Variants in UST observed in about 807,000 individuals in gnomAD.
The protein encoded by UST is chondroitin sulfate 2-O-sulfotransferase.
In UST, 21 loss-of-function variants were observed where a neutral mutation model predicts 45.6. The ratio of observed to expected loss-of-function variants is 0.46; its 90% CI spans 0.33 to 0.66. The LOEUF is 0.66. Among genes scored for constraint, UST ranks in the 30% least tolerant of loss-of-function variants. The pLI is 0.02. For synonymous variants in UST, 215 were observed against 200.6 expected (o/e 1.07, Z -0.61); for missense variants, 463 against 512.4 (o/e 0.90, Z 0.93).
intron 5 of UST, among the ~76,000 whole-genome samples, chr6:149,004,756 C>T (rs118168775): frequency 4.4e-3 from 665 of 150,654 alleles, no homozygotes; most frequent in Non-Finnish European, 6.7e-3. Context: ...CCAGGTGGGC[C>T]CGAATCTCAG....
At chr6:148,814,433 T>C (rs1378102139) in intron 1 of UST, among the ~76,000 whole-genome samples, 4 of 152,106 alleles carry the variant, frequency 2.6e-5, no homozygotes, top group African/African-American at 9.7e-5. Context: ...CAGTAGAGTT[T>C]GCAGCTGCAT....
intron 7 of UST, among the ~76,000 whole-genome samples, chr6:149,049,387 G>C (rs1296735015): frequency 6.6e-6 from 1 of 152,190 alleles, no homozygotes; most frequent in Non-Finnish European, 1.5e-5. Flanking sequence ...TTTACAATAT[G>C]ATACCAGTTT....
intron 1 of UST, among the ~76,000 whole-genome samples, chr6:148,846,537 T>C (rs981784293): frequency 1.3e-4 from 20 of 151,968 alleles, no homozygotes; most frequent in Admixed American, 4.6e-4. Flanking sequence ...GCATGGCACA[T>C]GTATACATAT....
intron 1 of UST, among the ~76,000 whole-genome samples, chr6:148,794,794 T>A (rs1270712073): frequency 1.3e-5 from 2 of 152,224 alleles, no homozygotes; most frequent in Non-Finnish European, 2.9e-5. Context: ...GGCCCTTAAA[T>A]ACATGGAATA....
At chr6:148,949,579 C>A (rs1282426789) in intron 3 of UST, among the ~76,000 whole-genome samples, 2 of 151,928 alleles carry the variant, frequency 1.3e-5, no homozygotes, top group African/African-American at 4.8e-5. Flanking sequence ...CATGTGACAC[C>A]AGGATAATGA....
intron 7 of UST, among the ~76,000 whole-genome samples, chr6:149,069,316 A>G (rs1056040149): frequency 2.6e-5 from 4 of 152,194 alleles, no homozygotes; most frequent in African/African-American, 9.6e-5. Context: ...AGAACTCTCC[A>G]TACTGTTTAC....
rs150628617 is a variant in UST, at chr6:149,018,878, G to A, written c.682-261G>A. Among the ~76,000 whole-genome samples, 17 of 152,194 alleles carry A rather than the reference G, an allele frequency of 1.1e-4. No homozygotes were observed. In the East Asian group the frequency reaches 1.5e-3, roughly 14 times the overall value. ...AGGCCTGTGACCAAACTTAAGACTC[G>A]GAGCCACCAGGAAGTGCAGAGATGC... is the stretch of plus-strand genomic sequence containing the variant. On this transcript the variant is annotated intron_variant, in intron 5 of 7. Transcript: ENST00000367463.
chr6:149,048,991 A>G (rs1424756818), intron 7 of UST, among the ~76,000 whole-genome samples: 4 of 152,218 alleles, frequency 2.6e-5, no homozygotes, highest in Non-Finnish European at 5.9e-5. Flanking sequence ...CAAAATGCCC[A>G]TAGCTGCAGA....
intron 1 of UST, among the ~76,000 whole-genome samples, chr6:148,843,411 G>C (rs1180110270): frequency 6.6e-6 from 1 of 152,222 alleles, no homozygotes; most frequent in Non-Finnish European, 1.5e-5. Flanking sequence ...CAATCAATAT[G>C]ATTGCAGTTT....
At chr6:148,908,768 C>T (rs1004610771) in intron 2 of UST, among the ~76,000 whole-genome samples, 2 of 151,980 alleles carry the variant, frequency 1.3e-5, no homozygotes, top group Admixed American at 1.3e-4. Flanking sequence ...ATCTGTTTTC[C>T]CTTATTTTAG....
chr6:149,026,038 C>T (rs1776045477), intron 7 of UST, among the ~76,000 whole-genome samples: 1 of 151,866 alleles, frequency 6.6e-6, no homozygotes, highest in African/African-American at 2.4e-5. Flanking sequence ...ATCCCAGCTA[C>T]TCTGGAGGCT....
At chr6:149,013,784 AGCCATGG>A (rs1261723118) in intron 5 of UST, among the ~76,000 whole-genome samples, 2 of 152,214 alleles carry the variant, frequency 1.3e-5, no homozygotes, top group Admixed American at 6.5e-5. Context: ...TGTCTTTGAA[AGCCATGG>A]GCCATATGGA....
chr6:148,799,349 T>TCAGC (rs1429995397), intron 1 of UST, among the ~76,000 whole-genome samples: 2 of 152,226 alleles, frequency 1.3e-5, no homozygotes, highest in Non-Finnish European at 2.9e-5. Flanking sequence ...AGATTGACGC[T>TCAGC]CAGCTCCCTG....
intron 1 of UST, among the ~76,000 whole-genome samples, chr6:148,771,936 C>T (rs763946621): frequency 2.0e-5 from 3 of 152,170 alleles, no homozygotes; most frequent in Non-Finnish European, 4.4e-5. Context: ...TCCTACCTCC[C>T]CCAAAAGGAG....
intron 7 of UST, among the ~76,000 whole-genome samples, chr6:149,022,127 A>G (rs1384675321): frequency 6.6e-6 from 1 of 152,208 alleles, no homozygotes; most frequent in Non-Finnish European, 1.5e-5. Flanking sequence ...TCAGAAATCC[A>G]TCATTTATTT....
At position 149,074,276 on chromosome 6, in the gene UST, TTTTA is replaced by T. The variant is rs1776859103; in HGVS notation, c.*164_*167del. The T allele has an allele frequency of 1.8e-5, 14 of 761,816 alleles. No individual in the cohort carries two copies. In the South Asian group the frequency reaches 2.5e-4, roughly 14 times the overall value. The allele number at this position is 761,816 out of a possible 1,614,324, so 47.2% of individuals were successfully genotyped here. A position where few individuals can be genotyped will look rare whatever the true frequency, so the allele number is the denominator to read the frequency against. On this transcript the variant is annotated 3_prime_UTR_variant, in exon 8 of 8. Coordinates refer to ENST00000367463, the MANE Select transcript of UST (RefSeq NM_005715.3). ...ATTGGGAGATGCCCGGTTTTGCGGG[TTTTA>T]TTTGTTTAATTTTATTCTGTGTTTT...
chr6:149,073,820 G>T lies in UST; in HGVS notation c.938-13G>T. ...CAAATGATGGCTCATGTGCGACCCC[G>T]GTTCTCTTCCAGAGCACAGGAAGCT... is the stretch of plus-strand genomic sequence containing the variant. On this transcript the variant is annotated splice_polypyrimidine_tract_variant and intron_variant, in intron 7 of 7. Transcript: ENST00000367463. 6.2e-7 allele frequency: 1 copy of T among 1,609,726 alleles called. No individual in the cohort carries two copies. Among genetic ancestry groups the T allele is most frequent in the Non-Finnish European group, 8.5e-7 (1 of 1,176,760 alleles).
chr6:149,017,602 T>G, intron 5 of UST, among the ~76,000 whole-genome samples: 1 of 152,170 alleles, frequency 6.6e-6, no homozygotes, highest in East Asian at 1.9e-4. Context: ...GTCTATACTT[T>G]CATTCACTTG....
chr6:149,030,724 G>T (rs780298093), intron 7 of UST, among the ~76,000 whole-genome samples: 2 of 151,548 alleles, frequency 1.3e-5, no homozygotes, highest in African/African-American at 2.4e-5. Context: ...GATCTTGTGT[G>T]TGTGTTACCT....
Sources: gnomAD v4.1 joint callset for allele counts (sites outside exome capture counted in the v4.1 genomes callset) on GRCh38, gnomAD v4.1.1 for gene constraint, MANE v1.5 for transcripts, NCBI Gene and HGNC (gene_info 2026-07-23, HGNC 2026-07-21) for gene names.